The following NRXN3 variants were observed in gnomAD, a reference collection of about 807,000 sequenced individuals.
NRXN3 encodes the protein neurexin III.
NRXN3 carries 32 observed loss-of-function variants against 137.6 expected under a neutral mutation model. The ratio of observed to expected loss-of-function variants is 0.23; its 90% CI spans 0.18 to 0.31. The LOEUF is 0.31. Among genes scored for constraint, NRXN3 ranks in the 10% least tolerant of loss-of-function variants. The probability of loss-of-function intolerance (pLI) is 1.00; values close to 1 mark genes in which losing one functional copy is unlikely to be tolerated. For synonymous variants in NRXN3, 798 were observed against 784.5 expected, an observed-to-expected ratio of 1.02 and a Z score of -0.29; for missense variants, 1,574 against 2,062.5, an observed-to-expected ratio of 0.76 and a Z score of 4.59.
chr14:79,031,313 T>C (rs896224954), intron 15 of NRXN3, among the ~76,000 whole-genome samples: 2 of 152,184 alleles, frequency 1.3e-5, no homozygotes, highest in South Asian at 2.1e-4. Flanking sequence ...AAAATAGAAC[T>C]TAAATGATTC....
intron 6 of NRXN3, among the ~76,000 whole-genome samples, chr14:78,651,892 A>G (rs2097748478): frequency 6.6e-6 from 1 of 152,110 alleles, no homozygotes; most frequent in African/African-American, 2.4e-5. Flanking sequence ...TTGGGTGGGG[A>G]CACAGCCAAA....
chr14:79,072,808 A>G (rs1211060128), intron 15 of NRXN3, among the ~76,000 whole-genome samples: 2 of 151,396 alleles, frequency 1.3e-5, no homozygotes, highest in Admixed American at 1.3e-4. Context: ...TAAGATGATC[A>G]TCCTTTGTAC....
intron 15 of NRXN3, among the ~76,000 whole-genome samples, chr14:79,294,794 A>G (rs547554464): frequency 5.7e-4 from 87 of 152,340 alleles, no homozygotes; most frequent in African/African-American, 2.0e-3. Context: ...GCACTGGTCC[A>G]TGCTCTGAAC....
intron 4 of NRXN3, among the ~76,000 whole-genome samples, chr14:78,399,534 C>T (rs2091848921): frequency 6.6e-6 from 1 of 152,210 alleles, no homozygotes; most frequent in Non-Finnish European, 1.5e-5. Context: ...CTCTCAGACT[C>T]AGTGCATGAG....
chr14:79,844,914 G>A (rs1382272205), intron 20 of NRXN3, among the ~76,000 whole-genome samples: 2 of 152,122 alleles, frequency 1.3e-5, no homozygotes, highest in Non-Finnish European at 2.9e-5. Flanking sequence ...AGACCATTTT[G>A]TCTACATTAA....
chr14:78,726,244 G>GT (rs945326193), intron 8 of NRXN3, among the ~76,000 whole-genome samples: 1 of 151,972 alleles, frequency 6.6e-6, no homozygotes, highest in Non-Finnish European at 1.5e-5. Flanking sequence ...AGAACGTGCA[G>GT]TTTTTTTACA....
rs532480737 is a variant in NRXN3 at position 78,615,416 on chromosome 14, C to T, written c.758-29704C>T. On this transcript the variant is annotated intron_variant, in intron 4 of 20. Coordinates refer to ENST00000335750, the MANE Select transcript of NRXN3 (RefSeq NM_001330195.2). ...GAGATCGAAACCATCCTAGCTAACA[C>T]GGTGAAACCCCATCTCTACTGAAAA... Among the ~76,000 whole-genome samples the T allele has an allele frequency of 8.6e-4, 125 of 144,520 alleles. 3 individuals are homozygous for T. The South Asian group carries it at 0.024, about 27-fold the overall frequency. The allele number at this position is 144,520 out of a possible 152,430, so 94.8% of individuals were successfully genotyped here. A position where few individuals can be genotyped will look rare whatever the true frequency, so the allele number is the denominator to read the frequency against.
chr14:78,241,222 A>G (rs1370102057), intron 1 of NRXN3, among the ~76,000 whole-genome samples: 5 of 152,236 alleles, frequency 3.3e-5, no homozygotes, highest in Non-Finnish European at 5.9e-5. Context: ...CTCACTCTAT[A>G]GCCATACATA....
intron 15 of NRXN3, among the ~76,000 whole-genome samples, chr14:79,308,048 T>C (rs1598515033): frequency 6.6e-6 from 1 of 152,226 alleles, no homozygotes; most frequent in East Asian, 1.9e-4. Context: ...CTCTGTGTCC[T>C]AATCACCTCT....
At chr14:79,496,515 C>T (rs2096769383) in intron 16 of NRXN3, among the ~76,000 whole-genome samples, 1 of 152,118 alleles carries the variant, frequency 6.6e-6, no homozygotes, top group Non-Finnish European at 1.5e-5. Context: ...TGCCGCAGGG[C>T]TGTCATTATG....
intron 6 of NRXN3, among the ~76,000 whole-genome samples, chr14:78,694,871 A>G (rs2098210488): frequency 6.6e-6 from 1 of 152,006 alleles, no homozygotes; most frequent in South Asian, 2.1e-4. Context: ...GTCAAAGTCT[A>G]TCAGGAGCTG....
At chr14:78,926,761 ATT>A (rs1248811791) in intron 10 of NRXN3, among the ~76,000 whole-genome samples, 7 of 45,124 alleles carry the variant, frequency 1.6e-4, no homozygotes, top group Non-Finnish European at 2.3e-4. Context: ...TTATATATAT[ATT>A]ATATATATTA....
chr14:78,899,846 A>G (rs932734071), intron 10 of NRXN3, among the ~76,000 whole-genome samples: 1 of 152,006 alleles, frequency 6.6e-6, no homozygotes, highest in African/African-American at 2.4e-5. Flanking sequence ...ACTTAGAACT[A>G]TATAACTTTA....
chr14:78,247,982 A>G (rs1475186610), intron 2 of NRXN3, among the ~76,000 whole-genome samples: 1 of 152,152 alleles, frequency 6.6e-6, no homozygotes, highest in Non-Finnish European at 1.5e-5. Context: ...ACAATGGAGA[A>G]GCTTTCATGG....
chr14:79,337,897 A>T (rs1402330118), intron 15 of NRXN3, among the ~76,000 whole-genome samples: 3 of 152,092 alleles, frequency 2.0e-5, no homozygotes, highest in Non-Finnish European at 4.4e-5. Flanking sequence ...CCCGACACTC[A>T]AACTACTTCC....
At chr14:78,931,435 C>A (rs753429709) in intron 10 of NRXN3, among the ~76,000 whole-genome samples, 1 of 151,918 alleles carries the variant, frequency 6.6e-6, no homozygotes, top group Non-Finnish European at 1.5e-5. Flanking sequence ...AATTTCCATG[C>A]GATAATGATA....
chr14:78,317,322 AGTGGCAGGC>A (rs925978929), intron 4 of NRXN3, among the ~76,000 whole-genome samples: 2 of 152,142 alleles, frequency 1.3e-5, no homozygotes, highest in Non-Finnish European at 2.9e-5. Flanking sequence ...GCAAGAGGTG[AGTGGCAGGC>A]GAGTGAGCAT....
chr14:79,280,321 C>T (rs1227641855), intron 15 of NRXN3: 1 of 1,614,090 alleles, frequency 6.2e-7, no homozygotes, highest in Admixed American at 1.7e-5. Flanking sequence ...CGAGACGGAG[C>T]CCTCCTCGCC....
intron 4 of NRXN3, among the ~76,000 whole-genome samples, chr14:78,608,869 A>G (rs2097275013): frequency 1.3e-5 from 2 of 152,132 alleles, no homozygotes; most frequent in South Asian, 4.1e-4. Flanking sequence ...CCTGGAGGAG[A>G]GGAAGCTTAA....
Sources: allele counts gnomAD v4.1 joint callset (sites outside exome capture counted in the v4.1 genomes callset), GRCh38; gene constraint gnomAD v4.1.1; transcripts MANE v1.5; gene names NCBI Gene and HGNC (gene_info 2026-07-23, HGNC 2026-07-21).